Variants in SLC25A24 observed in about 807,000 individuals in gnomAD.
The protein encoded by SLC25A24 is mitochondrial adenyl nucleotide antiporter SLC25A24.
In SLC25A24, 49 loss-of-function variants were observed where a neutral mutation model predicts 60.7. The observed-to-expected ratio is 0.81, with a 90% CI of 0.64 to 1.02. The LOEUF is 1.02. SLC25A24 is among the 50% of genes least tolerant of loss of function. The probability of loss-of-function intolerance (pLI) is 0.00; values close to 1 mark genes in which losing one functional copy is unlikely to be tolerated. For missense variants in SLC25A24, 564 were observed against 586.3 expected, an observed-to-expected ratio of 0.96 and a Z score of 0.39; for synonymous variants, 202 against 200.6, an observed-to-expected ratio of 1.01 and a Z score of -0.06.
chr1:108,162,838 C>T (rs1298985874), intron 3 of SLC25A24, among the ~76,000 whole-genome samples: 9 of 150,074 alleles, frequency 6.0e-5, no homozygotes, highest in Non-Finnish European at 1.0e-4. Flanking sequence ...GTTGCCATTG[C>T]TTTTGGTGTT....
Position 108,146,452 on chromosome 1 carries a change from G to A in SLC25A24, c.930+1827C>T, listed in dbSNP as rs560937258. The stretch of plus-strand genomic sequence containing the variant: ...CCTTGGCCAGAACTTCCAATACTAC[G>A]TTGAATAGGAGTGCTGACAGAGGAC... On this transcript the variant is annotated intron_variant, in intron 7 of 9. Coordinates refer to ENST00000565488, the MANE Select transcript of SLC25A24 (RefSeq NM_013386.5). 3.3e-5 allele frequency among the ~76,000 whole-genome samples: 5 copies of A among 152,122 alleles called. 1 individual carries two copies. Among genetic ancestry groups the A allele is most frequent in the South Asian group, 4.1e-4 (2 of 4,830 alleles).
intron 2 of SLC25A24, among the ~76,000 whole-genome samples, chr1:108,183,788 G>T (rs942661490): frequency 6.6e-6 from 1 of 152,174 alleles, no homozygotes; most frequent in Non-Finnish European, 1.5e-5. Flanking sequence ...AGGGATACTT[G>T]CTAGTTAATA....
At chr1:108,187,077 CAA>C (rs3043344) in intron 1 of SLC25A24, among the ~76,000 whole-genome samples, 6 of 139,658 alleles carry the variant, frequency 4.3e-5, no homozygotes, top group Non-Finnish European at 3.1e-5. Context: ...AACTCTATCT[CAA>C]AAAAAAAAAA....
Position 108,143,578 on chromosome 1 carries a change from T to G in SLC25A24, c.1063A>C (p.Ile355Leu). ...KGYVPNLLGIIPYAGIDLAVY... is the reference protein window; with the variant it reads ...KGYVPNLLGILPYAGIDLAVY... ...GCAAGATCTATGCCTGCATAAGGTA[T>G]GATACCTAATAAATTGGGAACATAG... is the stretch of plus-strand genomic sequence containing the variant. Residue 355 changes from isoleucine to leucine, a missense_variant, in exon 8 of 10, where the codon ATA becomes CTA. Transcript: ENST00000565488. The G allele has an allele frequency of 6.2e-7, 1 of 1,613,774 alleles. No homozygotes were observed. Among genetic ancestry groups the G allele is most frequent in the Non-Finnish European group, 8.5e-7 (1 of 1,179,786 alleles).
intron 1 of SLC25A24, among the ~76,000 whole-genome samples, chr1:108,186,722 T>G (rs1394601349): frequency 2.0e-5 from 3 of 152,156 alleles, no homozygotes; most frequent in African/African-American, 4.8e-5. Flanking sequence ...ATGACACTCA[T>G]AGTCACCCAC....
chr1:108,139,983 A>G (rs1679401436), intron 8 of SLC25A24, among the ~76,000 whole-genome samples: 1 of 152,190 alleles, frequency 6.6e-6, no homozygotes, highest in South Asian at 2.1e-4. Context: ...CTGTTACTCT[A>G]GGTCCCTGTA....
chr1:108,143,936 A>G (rs1181542379), intron 7 of SLC25A24, among the ~76,000 whole-genome samples: 1 of 152,160 alleles, frequency 6.6e-6, no homozygotes, highest in Non-Finnish European at 1.5e-5. Flanking sequence ...GGAAGTGACC[A>G]AGGAAATGGA....
chr1:108,190,103 C>G (rs1648296203), intron 1 of SLC25A24, among the ~76,000 whole-genome samples: 1 of 152,026 alleles, frequency 6.6e-6, no homozygotes, highest in South Asian at 2.1e-4. Context: ...TTTGCTATAG[C>G]AAGGGAGTCA....
At chr1:108,159,687 C>T (rs1489056970) in intron 4 of SLC25A24, among the ~76,000 whole-genome samples, 1 of 151,856 alleles carries the variant, frequency 6.6e-6, no homozygotes, top group Non-Finnish European at 1.5e-5. Flanking sequence ...CTGCTGCCTT[C>T]AAGCATCTGT....
At position 108,200,262 on chromosome 1, in the gene SLC25A24, C is replaced by G. The variant is rs765282583; in HGVS notation, c.-124G>C. 6.4e-5 allele frequency: 61 copies of G among 960,372 alleles called. No individual in the cohort carries two copies. Among genetic ancestry groups the G allele is most frequent in the Non-Finnish European group, 8.0e-5 (58 of 723,684 alleles). 59.5% of individuals were successfully genotyped at this position (960,372 alleles called of 1,614,324 possible). A position where few individuals can be genotyped will look rare whatever the true frequency, so the allele number is the denominator to read the frequency against. ...CGCGGCGCAACAGCGTTTGGGGCGCCGTCGGGGTTGCGGCTGCGGCGCGCA... is the reference window on the plus strand; with the variant it reads ...CGCGGCGCAACAGCGTTTGGGGCGCGGTCGGGGTTGCGGCTGCGGCGCGCA... On this transcript the variant is annotated 5_prime_UTR_variant, in exon 1 of 10. Coordinates refer to ENST00000565488, the MANE Select transcript of SLC25A24 (RefSeq NM_013386.5).
chr1:108,154,209 TA>T (rs1679827186), intron 6 of SLC25A24, among the ~76,000 whole-genome samples: 1 of 119,134 alleles, frequency 8.4e-6, no homozygotes, highest in Non-Finnish European at 1.8e-5. Context: ...CATGGAATAA[TA>T]CAAAAACTAT....
intron 7 of SLC25A24, 108 bp downstream of exon 7, chr1:108,148,171 G>A (rs532858251): frequency 3.7e-5 from 28 of 764,786 alleles, no homozygotes; most frequent in South Asian, 7.7e-5. Context: ...GAAACTGTGC[G>A]ATGATAAATG....
intron 8 of SLC25A24, among the ~76,000 whole-genome samples, chr1:108,140,516 A>G (rs1438902386): frequency 6.6e-6 from 1 of 152,106 alleles, no homozygotes; most frequent in African/African-American, 2.4e-5. Context: ...AAGGTATATA[A>G]ATAACTTGAA....
At chr1:108,141,884 C>CT (rs745966571) in intron 8 of SLC25A24, among the ~76,000 whole-genome samples, 1 of 152,020 alleles carries the variant, frequency 6.6e-6, no homozygotes, top group Non-Finnish European at 1.5e-5. Context: ...TGTTTAATGA[C>CT]TATAGAGTTT....
chr1:108,154,172 A>G lies in SLC25A24; in HGVS notation c.822+811T>C, dbSNP rs114549486. Reference sequence around the variant, plus strand: ...GAGTATTCTCTTGCTCAAGAACAAAACACTCTCCAGAATAATCTAAAATCT... The same window carrying G: ...GAGTATTCTCTTGCTCAAGAACAAAGCACTCTCCAGAATAATCTAAAATCT... On this transcript the variant is annotated intron_variant, in intron 6 of 9. Transcript: ENST00000565488. Among the ~76,000 whole-genome samples the G allele has an allele frequency of 1.7e-3, 261 of 151,670 alleles. 1 individual carries two copies. Among genetic ancestry groups the G allele is most frequent in the African/African-American group, 6.1e-3 (251 of 41,292 alleles).
chr1:108,178,300 C>A (rs898285064), intron 3 of SLC25A24, among the ~76,000 whole-genome samples: 2 of 152,292 alleles, frequency 1.3e-5, no homozygotes, highest in East Asian at 3.9e-4. Flanking sequence ...ATCATCTCAA[C>A]AGAAAATCAG....
intron 7 of SLC25A24, among the ~76,000 whole-genome samples, chr1:108,147,968 G>A (rs1679652159): frequency 6.6e-6 from 1 of 152,136 alleles, no homozygotes; most frequent in African/African-American, 2.4e-5. Flanking sequence ...TACTCAGGCA[G>A]CCTACAGAAA....
chr1:108,145,312 G>C lies in SLC25A24; in HGVS notation c.931-1602C>G, dbSNP rs147520426. 7.0e-3 allele frequency among the ~76,000 whole-genome samples: 1,063 copies of C among 152,048 alleles called. 18 individuals carry two copies. Among genetic ancestry groups the C allele is most frequent in the African/African-American group, 0.024 (1,000 of 41,472 alleles). On this transcript the variant is annotated intron_variant, in intron 7 of 9. Coordinates refer to ENST00000565488, the MANE Select transcript of SLC25A24 (RefSeq NM_013386.5). ...AGTTCCTTATAGATTCTGGATATTA[G>C]CCCTTTGTCAGATGGATAGATTGCA... is the stretch of plus-strand genomic sequence containing the variant.
intron 4 of SLC25A24, among the ~76,000 whole-genome samples, chr1:108,160,074 G>A (rs1206799916): frequency 6.6e-6 from 1 of 151,810 alleles, no homozygotes; most frequent in Non-Finnish European, 1.5e-5. Flanking sequence ...TCCCGGATGG[G>A]GTGGCTGGCC....
Sources: allele counts gnomAD v4.1 joint callset (sites outside exome capture counted in the v4.1 genomes callset), GRCh38; gene constraint gnomAD v4.1.1; transcripts MANE v1.5; gene names NCBI Gene and HGNC (gene_info 2026-07-23, HGNC 2026-07-21).